ACIN1: variants seen among roughly 807,000 people sequenced by gnomAD.
ACIN1 encodes the protein apoptotic chromatin condensation inducer 1.
A neutral mutation model predicts 146.6 loss-of-function variants in ACIN1; 16 were observed. The observed-to-expected ratio is 0.11, with a 90% CI of 0.07 to 0.17. The LOEUF (loss-of-function observed/expected upper bound fraction) is 0.17. Ranked by LOEUF, ACIN1 falls within the 10% of genes least tolerant of loss-of-function variation. ACIN1 has a pLI of 1.00. For synonymous variants in ACIN1, 569 were observed against 582.7 expected (o/e 0.98, Z 0.34); for missense variants, 1,357 against 1,609.3 (o/e 0.84, Z 2.68).
Position 23,095,008 on chromosome 14 carries a change from C to T in ACIN1, c.105G>A (p.Gly35=), listed in dbSNP as rs991273115. ...ALEQRGLAKS[G]QKSALVKRLK... The stretch of plus-strand genomic sequence containing the variant: ...GCCGCTTGACCAGGGCACTCTTCTG[C>T]CCGCTCTTGGCTAGGCCTCGCTGCT... The change falls in exon 1 of 19, where the codon GGG becomes GGA. Residue 35 remains glycine (G), a synonymous_variant. Transcript: ENST00000605057. 4 of 1,609,182 alleles carry T rather than the reference C, an allele frequency of 2.5e-6. No homozygotes were observed. The African/African-American group carries it at 4.0e-5, about 16-fold the overall frequency.
intron 12 of ACIN1, 128 bp from the exon 13 acceptor site, chr14:23,063,705 A>T: frequency 9.0e-7 from 1 of 1,106,198 alleles, no homozygotes; most frequent in South Asian, 1.6e-5. Flanking sequence ...GTATTTCGTT[A>T]TCGGCTCACT....
chr14:23,063,975 G>A (rs1373492428), intron 12 of ACIN1, 130 bp downstream of exon 12: 1 of 1,251,952 alleles, frequency 8.0e-7, no homozygotes, highest in Non-Finnish European at 1.1e-6. Context: ...ACCCCTGAAA[G>A]TGTCAGTCAA....
At chr14:23,071,238 A>T in intron 8 of ACIN1, 7 of 1,517,340 alleles carry the variant, frequency 4.6e-6, no homozygotes, top group Non-Finnish European at 6.1e-6. Flanking sequence ...TAAAAAAAAT[A>T]AAGAAAAAAA....
intron 8 of ACIN1, chr14:23,071,677 G>T: frequency 9.9e-7 from 1 of 1,010,460 alleles, no homozygotes; most frequent in Non-Finnish European, 1.4e-6. Flanking sequence ...GCAGGCCACA[G>T]GGAGCCGACT....
chr14:23,074,979 TAG>T (rs2047761296), intron 8 of ACIN1, among the ~76,000 whole-genome samples: 1 of 152,200 alleles, frequency 6.6e-6, no homozygotes, highest in Admixed American at 6.5e-5. Context: ...CAAGATAACC[TAG>T]AACAGTATGA....
At chr14:23,093,235 C>T (rs1436431151) in intron 2 of ACIN1, among the ~76,000 whole-genome samples, 2 of 152,174 alleles carry the variant, frequency 1.3e-5, no homozygotes, top group Admixed American at 6.5e-5. Context: ...GAAGCCACAC[C>T]TTTCTACACA....
At chr14:23,088,942 T>C (rs1468509855) in intron 4 of ACIN1, among the ~76,000 whole-genome samples, 1 of 152,210 alleles carries the variant, frequency 6.6e-6, no homozygotes, top group Non-Finnish European at 1.5e-5. Context: ...GCACATATTT[T>C]CCTCAAAGTA....
intron 4 of ACIN1, among the ~76,000 whole-genome samples, chr14:23,083,738 A>G (rs1317862703): frequency 6.6e-6 from 1 of 152,206 alleles, no homozygotes; most frequent in Non-Finnish European, 1.5e-5. Flanking sequence ...CAAAAAAACA[A>G]AAAAGATCAA....
intron 1 of ACIN1, among the ~76,000 whole-genome samples, chr14:23,094,060 A>G (rs1251208129): frequency 6.6e-6 from 1 of 152,148 alleles, no homozygotes; most frequent in South Asian, 2.1e-4. Context: ...GCTACAGAAG[A>G]AAATGACCAC....
chr14:23,075,782 G>A (rs996324905), intron 8 of ACIN1, among the ~76,000 whole-genome samples: 1 of 151,282 alleles, frequency 6.6e-6, no homozygotes, highest in Admixed American at 6.6e-5. Flanking sequence ...TCAGCTCACC[G>A]CACCTTCCGC....
chr14:23,085,625 G>A (rs1405446668), intron 4 of ACIN1, among the ~76,000 whole-genome samples: 2 of 152,146 alleles, frequency 1.3e-5, no homozygotes, highest in Non-Finnish European at 2.9e-5. Context: ...AGAAACTGGA[G>A]GCGCCTCAGA....
chr14:23,084,716 C>A (rs185809917), intron 4 of ACIN1, among the ~76,000 whole-genome samples: 1 of 151,866 alleles, frequency 6.6e-6, no homozygotes, highest in African/African-American at 2.4e-5. Flanking sequence ...ATTAAAAGGA[C>A]CTCTGAGTAT....
Position 23,095,131 on chromosome 14 carries a change from G to C in ACIN1, c.-19C>G, listed in dbSNP as rs372557150. The C allele has an allele frequency of 2.4e-5, 38 of 1,614,106 alleles. No individual in the cohort carries two copies. The highest frequency in any genetic ancestry group is 2.8e-5 in the Non-Finnish European group (33 of 1,180,052). ...CCGCCATCTTGCGTGAGGTACTCGG[G>C]TCCGTCCCGACGGCTTCGGGCATCT... is the stretch of plus-strand genomic sequence containing the variant. On this transcript the variant is annotated 5_prime_UTR_variant, in exon 1 of 19. Coordinates refer to ENST00000605057, the MANE Select transcript of ACIN1 (RefSeq NM_001386863.1).
chr14:23,067,030 C>T lies in ACIN1; in HGVS notation c.2266-1022G>A, dbSNP rs570980893. On this transcript the variant is annotated intron_variant, in intron 9 of 18. Transcript: ENST00000605057. The surrounding 1 kb of genome is among the most constrained non-coding windows in gnomAD (Gnocchi z 4.6). The stretch of plus-strand genomic sequence containing the variant: ...AAATCCCTTTCCCATCCACCCCCAC[C>T]CGCAGCCCCGTTTGTGTCGTCTAAC... Among the ~76,000 whole-genome samples the T allele has an allele frequency of 6.6e-6, 1 of 152,194 alleles. No homozygotes were observed. The highest frequency in any genetic ancestry group is 2.1e-4 in the South Asian group (1 of 4,798).
At chr14:23,081,354 T>G (rs945435760) in intron 5 of ACIN1, among the ~76,000 whole-genome samples, 2 of 152,188 alleles carry the variant, frequency 1.3e-5, no homozygotes, top group African/African-American at 4.8e-5. Flanking sequence ...GCCTGCTAAT[T>G]TTCAAATTTA....
At chr14:23,089,865 G>T in intron 4 of ACIN1, 117 bp downstream of exon 4, 1 of 1,313,654 alleles carries the variant, frequency 7.6e-7, no homozygotes, top group Non-Finnish European at 1.0e-6. Context: ...AAATATCAAT[G>T]TCACAGAATT....
intron 4 of ACIN1, among the ~76,000 whole-genome samples, chr14:23,084,206 C>CA (rs1348172946): frequency 6.6e-6 from 1 of 152,226 alleles, no homozygotes; most frequent in African/African-American, 2.4e-5. Context: ...CTTGGCCTCC[C>CA]AAAGTGCTGG....
At chr14:23,093,352 C>A in intron 2 of ACIN1, 127 bp downstream of exon 2, 1 of 956,444 alleles carries the variant, frequency 1.0e-6, no homozygotes, top group Non-Finnish European at 1.6e-6. Context: ...GGTTTGAGAA[C>A]ATTTCTGACT....
rs373395487 is a variant in ACIN1 at position 23,069,510 on chromosome 14, G to C, written c.2231C>G (p.Pro744Arg). The C allele has an allele frequency of 6.2e-7, 1 of 1,614,060 alleles. No individual in the cohort carries two copies. The highest frequency in any genetic ancestry group is 8.5e-7 in the Non-Finnish European group (1 of 1,179,972). Residue 744 changes from proline (P) to arginine (R), a missense_variant, in exon 9 of 19, where the codon CCG (proline) becomes CGG (arginine). By Grantham distance (103) the Pro-to-Arg change is moderately radical. This residue lies in a region of ACIN1 where 771 missense variants were observed against 746.6 expected (regional missense o/e 1.03). Coordinates refer to ENST00000605057, the MANE Select transcript of ACIN1 (RefSeq NM_001386863.1). ...CTCCTCATCTTCAACACTGCCCTCCGGGCGGTCATCATTGCTGACTTGGTC... is the reference window on the plus strand; with the variant it reads ...CTCCTCATCTTCAACACTGCCCTCCCGGCGGTCATCATTGCTGACTTGGTC... ...IADQVSNDDR[P>R]EGSVEDEEKK...
Sources: allele counts gnomAD v4.1 joint callset (sites outside exome capture counted in the v4.1 genomes callset), GRCh38; gene constraint gnomAD v4.1.1; regional missense constraint gnomAD v4.1.1; non-coding constraint Gnocchi (gnomAD v3.1); transcripts MANE v1.5; gene names NCBI Gene and HGNC (gene_info 2026-07-23, HGNC 2026-07-21).